Variants in ULBP1 observed in about 807,000 individuals in gnomAD.
ULBP1 encodes UL16-binding protein 1.
In ULBP1, 28 loss-of-function variants were observed where a neutral mutation model predicts 25.3. That is an observed-to-expected ratio of 1.10 (90% confidence interval 0.82 to 1.51). The LOEUF is 1.51. Among genes scored for constraint, ULBP1 ranks in the 40% most tolerant of loss-of-function variants. The pLI is 0.00. For synonymous variants in ULBP1, 129 were observed against 103.0 expected, an observed-to-expected ratio of 1.25 and a Z score of -1.53; for missense variants, 348 against 290.9, an observed-to-expected ratio of 1.20 and a Z score of -1.43.
In ULBP1 at chr6:149,964,003, C is replaced by G. The variant is rs768162165; in HGVS notation, c.-47C>G. 14 of 1,599,254 alleles carry G rather than the reference C, an allele frequency of 8.8e-6. 1 individual carries two copies. The South Asian group carries it at 1.4e-4, about 16-fold the overall frequency. ...TTATAAACAGCCGTGGTGTGAGCCT[C>G]GAAGGGAACCATCAGCGCCTCCTGT... On this transcript the variant is annotated 5_prime_UTR_variant, in exon 1 of 5. Transcript: ENST00000229708.
chr6:149,964,260 G>A (rs949714200), intron 1 of ULBP1, 126 bp downstream of exon 1: 2 of 1,083,448 alleles, frequency 1.8e-6, no homozygotes, highest in African/African-American at 1.6e-5. Context: ...GAACATCGCG[G>A]TCTCCCCGAA....
chr6:149,969,137 C>G lies in ULBP1; in HGVS notation c.402C>G (p.His134Gln), dbSNP rs376557021. 1 of 1,614,198 alleles carries G rather than the reference C, an allele frequency of 6.2e-7. No homozygotes were observed. The highest frequency in any genetic ancestry group is 2.2e-5 in the East Asian group (1 of 44,874). The part of the protein sequence containing the change: ...RMSCEHEAHG[H>Q]GRGSWQFLFN... ...CTTGTGAGCATGAAGCCCATGGACA[C>G]GGCAGAGGATCTTGGCAGTTCCTCT... The change falls in exon 3 of 5, where the codon CAC becomes CAG. Residue 134 changes from histidine to glutamine, a missense_variant. By Grantham distance (24) the His-to-Gln change is conservative. Transcript: ENST00000229708.
intron 1 of ULBP1, among the ~76,000 whole-genome samples, chr6:149,964,488 G>A (rs1348889812): frequency 6.8e-6 from 1 of 147,206 alleles, no homozygotes; most frequent in Admixed American, 6.8e-5. Context: ...AAGGACCGGT[G>A]CTGTCTCCCC....
At position 149,969,229 on chromosome 6, in the gene ULBP1, C is replaced by T. The variant is rs928264844; in HGVS notation, c.494C>T (p.Ala165Val). 1 of 1,614,168 alleles carries T rather than the reference C, an allele frequency of 6.2e-7. No homozygotes were observed. The highest frequency in any genetic ancestry group is 8.5e-7 in the Non-Finnish European group (1 of 1,180,036). ...AAGTGGACAGCACTTCATCCTGGAG[C>T]CAAGAAGATGACAGAGAAGTGGGAG... Reference protein sequence around the residue: ...NRKWTALHPGAKKMTEKWEKN... With the variant: ...NRKWTALHPGVKKMTEKWEKN... Residue 165 changes from alanine (A) to valine (V), a missense_variant, in exon 3 of 5, where the codon GCC (alanine) becomes GTC (valine). Transcript: ENST00000229708.
chr6:149,969,370 A>G lies in ULBP1; in HGVS notation c.625+10A>G. ...ATGCTGGATCCAACAAGTAAGTGAGAGGGGGATAAATGGAAGCTGTCTCGA... is the reference window on the plus strand; with the variant it reads ...ATGCTGGATCCAACAAGTAAGTGAGGGGGGGATAAATGGAAGCTGTCTCGA... On this transcript the variant is annotated intron_variant, in intron 3 of 4. Transcript: ENST00000229708. The G allele has an allele frequency of 6.2e-7, 1 of 1,610,760 alleles. No homozygotes were observed.
At chr6:149,967,519 A>G (rs1562494028) in intron 1 of ULBP1, among the ~76,000 whole-genome samples, 1 of 152,182 alleles carries the variant, frequency 6.6e-6, no homozygotes, top group Non-Finnish European at 1.5e-5. Context: ...GACTCCTTTC[A>G]GCCTTCAGGT....
Position 149,964,036 on chromosome 6 carries a change from G to A in ULBP1, c.-14G>A. 1 of 1,613,702 alleles carries A rather than the reference G, an allele frequency of 6.2e-7. No individual in the cohort carries two copies. Among genetic ancestry groups the A allele is most frequent in the Non-Finnish European group, 8.5e-7 (1 of 1,179,930 alleles). On this transcript the variant is annotated 5_prime_UTR_variant, in exon 1 of 5. Transcript: ENST00000229708. ...ACCATCAGCGCCTCCTGTCCACGGA[G>A]CTCCAGGTCTACAATGGCAGCGGCC...
At chr6:149,965,824 C>A (rs1283758205) in intron 1 of ULBP1, among the ~76,000 whole-genome samples, 2 of 152,120 alleles carry the variant, frequency 1.3e-5, no homozygotes, top group Non-Finnish European at 2.9e-5. Context: ...CATCTCAGCT[C>A]ACCCCTGTCA....
chr6:149,966,446 T>C (rs572379400), intron 1 of ULBP1, among the ~76,000 whole-genome samples: 1 of 152,288 alleles, frequency 6.6e-6, no homozygotes, highest in South Asian at 2.1e-4. Flanking sequence ...CCTATGGTTC[T>C]GGGCCTACTG....
chr6:149,965,033 C>T (rs2114705506), intron 1 of ULBP1, among the ~76,000 whole-genome samples: 1 of 151,428 alleles, frequency 6.6e-6, no homozygotes, highest in African/African-American at 2.4e-5. Context: ...CTTCCTGCGG[C>T]TGCTGCTTGC....
At chr6:149,967,732 C>T (rs138980875) in intron 1 of ULBP1, among the ~76,000 whole-genome samples, 150 of 152,178 alleles carry the variant, frequency 9.9e-4, no homozygotes, top group African/African-American at 3.2e-3. Context: ...TGACAGTTGA[C>T]GGCCTCCGCT....
chr6:149,968,789 C>A lies in ULBP1; in HGVS notation c.268C>A (p.Gln90Lys), dbSNP rs1554269840. 6.2e-7 allele frequency: 1 copy of A among 1,614,222 alleles called. No individual in the cohort carries two copies. ...KVNVTKTWEE[Q>K]TETLRDVVDF... The stretch of plus-strand genomic sequence containing the variant: ...CAATGTCACAAAAACCTGGGAAGAA[C>A]AAACTGAAACACTAAGAGACGTGGT... Residue 90 changes from glutamine (Q) to lysine (K), a missense_variant, in exon 2 of 5, where the codon CAA becomes AAA. Gln to Lys is a moderately conservative substitution (Grantham distance 53, BLOSUM62 1). Transcript: ENST00000229708.
chr6:149,970,255 A>G, intron 4 of ULBP1, 108 bp downstream of exon 4: 2 of 1,422,704 alleles, frequency 1.4e-6, no homozygotes, highest in Non-Finnish European at 1.9e-6. Flanking sequence ...TCATCCTGAC[A>G]TTAGACAGAT....
At chr6:149,965,854 C>G (rs747643159) in intron 1 of ULBP1, among the ~76,000 whole-genome samples, 14 of 152,150 alleles carry the variant, frequency 9.2e-5, no homozygotes, top group Non-Finnish European at 7.4e-5. Context: ...CCTCCCTCAC[C>G]TCCCCATCCA....
chr6:149,964,061 C>A lies in ULBP1; in HGVS notation c.12C>A (p.Ala4=). The change falls in exon 1 of 5, where the codon GCC becomes GCA. Residue 4 remains alanine, a synonymous_variant. Transcript: ENST00000229708. MAA[A]ASPAFLLCLP... is the part of the protein sequence containing the mutation. ...GCTCCAGGTCTACAATGGCAGCGGC[C>A]GCCAGCCCCGCGTTCCTTCTGTGCC... is the stretch of plus-strand genomic sequence containing the variant. 6.2e-7 allele frequency: 1 copy of A among 1,614,202 alleles called. No homozygotes were observed.
intron 3 of ULBP1, among the ~76,000 whole-genome samples, chr6:149,969,735 C>A (rs1451635343): frequency 6.6e-6 from 1 of 152,212 alleles, no homozygotes; most frequent in African/African-American, 2.4e-5. Context: ...GGGCCTGAGG[C>A]CCTCCCCTCC....
chr6:149,965,051 G>A (rs1300642619), intron 1 of ULBP1, among the ~76,000 whole-genome samples: 1 of 133,564 alleles, frequency 7.5e-6, no homozygotes, highest in Non-Finnish European at 1.6e-5. Flanking sequence ...TGCCCCATAG[G>A]CCAGGAGGCT....
Position 149,964,065 on chromosome 6 carries a change from A to C in ULBP1, c.16A>C (p.Ser6Arg), listed in dbSNP as rs747665989. 3 of 1,614,150 alleles carry C rather than the reference A, an allele frequency of 1.9e-6. No individual in the cohort carries two copies. Among genetic ancestry groups the C allele is most frequent in the Non-Finnish European group, 2.5e-6 (3 of 1,180,012 alleles). MAAAA[S>R]PAFLLCLPLL... is the part of the protein sequence containing the mutation. Reference sequence around the variant, plus strand: ...CAGGTCTACAATGGCAGCGGCCGCCAGCCCCGCGTTCCTTCTGTGCCTCCC... The same window carrying C: ...CAGGTCTACAATGGCAGCGGCCGCCCGCCCCGCGTTCCTTCTGTGCCTCCC... The change falls in exon 1 of 5, where the codon AGC becomes CGC. Residue 6 changes from serine to arginine, a missense_variant. Physicochemically the swap from Ser to Arg is moderately radical, Grantham distance 110 (BLOSUM62 -1). Transcript: ENST00000229708.
intron 4 of ULBP1, 96 bp from the exon 5 acceptor site, chr6:149,971,268 GGGAGA>G (rs1178587545): frequency 1.2e-6 from 1 of 827,102 alleles, no homozygotes; most frequent in Non-Finnish European, 1.5e-6. Context: ...TCTTATTTGT[GGGAGA>G]GGTTCCGAAA....
Sources: gnomAD v4.1 joint callset for allele counts (sites outside exome capture counted in the v4.1 genomes callset) on GRCh38, gnomAD v4.1.1 for gene constraint, MANE v1.5 for transcripts, NCBI Gene and HGNC (gene_info 2026-07-23, HGNC 2026-07-21) for gene names.